Variants in CPEB1 observed in about 807,000 individuals in gnomAD.
CPEB1 encodes cytoplasmic polyadenylation element binding protein 1, also known as cytoplasmic polyadenylation element-binding protein 1.
In CPEB1, 7 loss-of-function variants were observed where a neutral mutation model predicts 65.8. That is an observed-to-expected ratio of 0.11 (90% CI 0.06 to 0.20). The LOEUF (loss-of-function observed/expected upper bound fraction) is 0.20. Ranked by LOEUF, CPEB1 falls within the 10% of genes least tolerant of loss-of-function variation. The probability of loss-of-function intolerance (pLI) is 1.00; values close to 1 mark genes in which losing one functional copy is unlikely to be tolerated. For synonymous variants in CPEB1, 262 were observed against 260.0 expected (o/e 1.01, Z -0.08); for missense variants, 551 against 712.2 (o/e 0.77, Z 2.58).
intron 3 of CPEB1, among the ~76,000 whole-genome samples, chr15:82,597,904 C>A (rs1377013231): frequency 6.6e-6 from 1 of 152,168 alleles, no homozygotes; most frequent in Non-Finnish European, 1.5e-5. Context: ...AGGAGAGCTG[C>A]TCCAGATATT....
chr15:82,592,406 G>A (rs1275248851), intron 3 of CPEB1, among the ~76,000 whole-genome samples: 1 of 151,588 alleles, frequency 6.6e-6, no homozygotes, highest in Non-Finnish European at 1.5e-5. Flanking sequence ...TAGGCTACAT[G>A]GTGAAACCCC....
intron 3 of CPEB1, among the ~76,000 whole-genome samples, chr15:82,613,924 C>T (rs1241655835): frequency 6.6e-6 from 1 of 152,076 alleles, no homozygotes; most frequent in African/African-American, 2.4e-5. Context: ...GACTGGCCTC[C>T]TTGGGAGGCT....
intron 4 of CPEB1, chr15:82,562,162 T>G: frequency 2.2e-6 from 1 of 448,060 alleles, no homozygotes; most frequent in Non-Finnish European, 4.5e-6. Context: ...TACTTTTTTT[T>G]TTTTTTTTAA....
intron 4 of CPEB1, among the ~76,000 whole-genome samples, chr15:82,568,383 G>C (rs954019235): frequency 6.6e-6 from 1 of 152,102 alleles, no homozygotes; most frequent in Non-Finnish European, 1.5e-5. Flanking sequence ...CATGAGAAAG[G>C]GTAGCACTGG....
chr15:82,630,238 T>C (rs1383830518), intron 1 of CPEB1: 1 of 223,654 alleles, frequency 4.5e-6, no homozygotes, highest in African/African-American at 2.4e-5. Context: ...CCTAGCACAA[T>C]CTGCATTATC....
Position 82,556,063 on chromosome 15 carries a change from T to A in CPEB1, c.747A>T (p.Arg249Ser). ...ACCCTACCCCCATCTTTAAAGGGTC[T>A]CTGGGACCACCCCCTGACAGAGACA... ...PFLSLSGGGP[R>S]DPLKMGVGSR... Residue 249 changes from arginine (R) to serine (S), a missense_variant, in exon 6 of 13, where the codon AGA becomes AGT. Around this residue, in one of 6 missense-constraint regions of CPEB1, gnomAD observed 128 missense variants for 129.1 expected, o/e 0.99. Coordinates refer to ENST00000684509, the MANE Select transcript of CPEB1 (RefSeq NM_001365242.1). The A allele has an allele frequency of 6.2e-7, 1 of 1,611,652 alleles. No homozygotes were observed. The highest frequency in any genetic ancestry group is 8.5e-7 in the Non-Finnish European group (1 of 1,178,944).
chr15:82,596,321 A>T (rs2042660597), intron 3 of CPEB1, among the ~76,000 whole-genome samples: 1 of 152,234 alleles, frequency 6.6e-6, no homozygotes, highest in African/African-American at 2.4e-5. Context: ...ACATGAGAAG[A>T]TTTAACTTGC....
chr15:82,614,848 A>AGT (rs752486940), intron 3 of CPEB1, among the ~76,000 whole-genome samples: 9,378 of 143,840 alleles, frequency 0.065, 367 homozygotes, highest in East Asian at 0.24. Flanking sequence ...TTAAAATATA[A>AGT]GTGTGTGTGT....
chr15:82,580,751 G>C (rs951181121), intron 3 of CPEB1, among the ~76,000 whole-genome samples: 1 of 151,864 alleles, frequency 6.6e-6, no homozygotes, highest in Non-Finnish European at 1.5e-5. Context: ...TAGGGACCTT[G>C]TAAGTGGAAT....
At chr15:82,611,221 T>TA (rs2044126035) in intron 3 of CPEB1, among the ~76,000 whole-genome samples, 1 of 151,710 alleles carries the variant, frequency 6.6e-6, no homozygotes. Flanking sequence ...ATCTTAGATG[T>TA]AAAAAATCCT....
chr15:82,622,593 T>C (rs1277298205), intron 3 of CPEB1, among the ~76,000 whole-genome samples: 4 of 152,146 alleles, frequency 2.6e-5, no homozygotes, highest in African/African-American at 4.8e-5. Context: ...GGTTTCGCCA[T>C]GTTGGTCAGG....
chr15:82,594,481 CT>C (rs897360502), intron 3 of CPEB1, among the ~76,000 whole-genome samples: 50 of 152,298 alleles, frequency 3.3e-4, no homozygotes, highest in African/African-American at 1.2e-3. Flanking sequence ...GTGTTAGGGC[CT>C]TCCTCTGGAT....
chr15:82,608,268 G>A (rs1005071955), intron 3 of CPEB1, among the ~76,000 whole-genome samples: 1 of 151,502 alleles, frequency 6.6e-6, no homozygotes, highest in African/African-American at 2.4e-5. Flanking sequence ...AATTGCCTCT[G>A]ATTTTTTTTT....
Position 82,556,113 on chromosome 15 carries a change from G to A in CPEB1, c.697C>T (p.Arg233Cys), listed in dbSNP as rs940994460. ...AGGAAGGGCAGAGGTGGAGAAATGC[G>A]AAGGCTTGACTAGGGGAGGAAAAAG... ...DHLSDLISSL[R>C]ISPPLPFLSL... The change falls in exon 6 of 13, where the codon CGC becomes TGC. Residue 233 changes from arginine to cysteine, a missense_variant. Around this residue, in one of 6 missense-constraint regions of CPEB1, gnomAD observed 128 missense variants for 129.1 expected, o/e 0.99. Coordinates refer to ENST00000684509, the MANE Select transcript of CPEB1 (RefSeq NM_001365242.1). 10 of 1,604,610 alleles carry A rather than the reference G, an allele frequency of 6.2e-6. No individual in the cohort carries two copies. The highest frequency in any genetic ancestry group is 2.2e-5 in the East Asian group (1 of 44,634).
At chr15:82,631,982 C>CTTTTTTTTTT (rs10656923) in intron 1 of CPEB1, among the ~76,000 whole-genome samples, 1 of 125,014 alleles carries the variant, frequency 8.0e-6, no homozygotes, top group Non-Finnish European at 1.6e-5. Flanking sequence ...ATTTTTTTCT[C>CTTTTTTTTTT]TTTTTTTTTT....
chr15:82,560,397 TTTG>T (rs1467963092), intron 4 of CPEB1, among the ~76,000 whole-genome samples: 1 of 138,390 alleles, frequency 7.2e-6, no homozygotes, highest in Non-Finnish European at 1.6e-5. Context: ...CTTATTGTCA[TTTG>T]TTTTTTTTTT....
At chr15:82,584,306 C>T (rs186495239) in intron 3 of CPEB1, among the ~76,000 whole-genome samples, 11 of 142,938 alleles carry the variant, frequency 7.7e-5, no homozygotes, top group Admixed American at 3.5e-4. Flanking sequence ...TTAAACATCA[C>T]TGAACGTGAA....
chr15:82,630,087 T>C (rs1199447318), intron 1 of CPEB1: 3 of 985,330 alleles, frequency 3.0e-6, no homozygotes, highest in South Asian at 4.7e-5. Flanking sequence ...GGCAACTTCA[T>C]GAAGGCTAAG....
chr15:82,583,170 C>T (rs1036051338), intron 3 of CPEB1, among the ~76,000 whole-genome samples: 9 of 152,016 alleles, frequency 5.9e-5, no homozygotes, highest in Admixed American at 5.9e-4. Flanking sequence ...TACTTCTTAC[C>T]CATGGAGAGC....
Sources: allele counts gnomAD v4.1 joint callset (sites outside exome capture counted in the v4.1 genomes callset), GRCh38; gene constraint gnomAD v4.1.1; regional missense constraint gnomAD v4.1.1; transcripts MANE v1.5; gene names NCBI Gene and HGNC (gene_info 2026-07-23, HGNC 2026-07-21).